OCIAD1: variants seen among roughly 807,000 people sequenced by gnomAD.
OCIAD1 encodes the protein OCIA domain-containing protein 1.
OCIAD1 carries 29 observed loss-of-function variants against 38.9 expected under a neutral mutation model. The ratio of observed to expected loss-of-function variants is 0.74; its 90% CI spans 0.55 to 1.02. The LOEUF (loss-of-function observed/expected upper bound fraction) is 1.02, where lower values mean the gene tolerates loss of function less well. Ranked by LOEUF, OCIAD1 falls within the 50% of genes least tolerant of loss-of-function variation. The probability of loss-of-function intolerance (pLI) is 0.00; values close to 1 mark genes in which losing one functional copy is unlikely to be tolerated. For synonymous variants in OCIAD1, 110 were observed against 92.0 expected (o/e 1.20, Z -1.12); for missense variants, 288 against 289.6 (o/e 0.99, Z 0.04).
At chr4:48,837,438 G>A (rs540807271) in intron 3 of OCIAD1, among the ~76,000 whole-genome samples, 6 of 151,618 alleles carry the variant, frequency 4.0e-5, no homozygotes, top group African/African-American at 1.2e-4. Flanking sequence ...GCTTATAGGC[G>A]CCTGCCACCA....
chr4:48,837,927 C>T lies in OCIAD1; in HGVS notation c.139+4446C>T, dbSNP rs1432948998. 3.9e-5 allele frequency among the ~76,000 whole-genome samples: 6 copies of T among 152,178 alleles called. No homozygotes were observed. The East Asian group carries it at 1.2e-3, about 29-fold the overall frequency. ...GGGTAGTGAACAATGTCAGGATGCCCGTGTATACCAGACTCTTAATAGTGG... is the reference window on the plus strand; with the variant it reads ...GGGTAGTGAACAATGTCAGGATGCCTGTGTATACCAGACTCTTAATAGTGG... On this transcript the variant is annotated intron_variant, in intron 3 of 8. Coordinates refer to ENST00000264312, the MANE Select transcript of OCIAD1 (RefSeq NM_017830.4).
intron 8 of OCIAD1, among the ~76,000 whole-genome samples, chr4:48,859,631 T>C (rs1396625846): frequency 6.6e-6 from 1 of 152,224 alleles, no homozygotes; most frequent in African/African-American, 2.4e-5. Context: ...ATTTTTTCTT[T>C]TTTTGGGAAA....
intron 7 of OCIAD1, 115 bp downstream of exon 7, chr4:48,852,090 AC>A: frequency 1.4e-6 from 1 of 735,212 alleles, no homozygotes; most frequent in South Asian, 2.1e-5. Flanking sequence ...TCAATCATCA[AC>A]CTAAACTCAG....
intron 3 of OCIAD1, among the ~76,000 whole-genome samples, chr4:48,841,897 C>T (rs1430296947): frequency 6.6e-6 from 1 of 152,078 alleles, no homozygotes; most frequent in East Asian, 1.9e-4. Context: ...TTAAGGAGTT[C>T]ACTAGTTTAG....
intron 3 of OCIAD1, among the ~76,000 whole-genome samples, chr4:48,834,577 G>A (rs1218703817): frequency 3.3e-5 from 5 of 152,286 alleles, no homozygotes; most frequent in East Asian, 3.9e-4. Flanking sequence ...CAAGACCAGC[G>A]TGGGCAACAT....
chr4:48,824,750 G>A (rs537637587), intron 1 of OCIAD1, among the ~76,000 whole-genome samples: 2 of 151,816 alleles, frequency 1.3e-5, no homozygotes, highest in South Asian at 2.1e-4. Context: ...GAACTTTTTT[G>A]TTTTAGACAG....
At chr4:48,852,882 G>GTTTTTTGTTTTTGTTTTTTTTT (rs1553901200) in intron 7 of OCIAD1, among the ~76,000 whole-genome samples, 1 of 126,338 alleles carries the variant, frequency 7.9e-6, no homozygotes, top group African/African-American at 3.2e-5. Flanking sequence ...TTTGTTTTTT[G>GTTTTTTGTTTTTGTTTTTTTTT]TTTTTTTTTT....
At chr4:48,805,933 G>A (rs894543250) in intron 1 of OCIAD1, among the ~76,000 whole-genome samples, 1 of 152,100 alleles carries the variant, frequency 6.6e-6, no homozygotes, top group East Asian at 1.9e-4. Flanking sequence ...TCTTCATTCA[G>A]TTTCATGTCC....
chr4:48,836,427 G>A (rs1777993846), intron 3 of OCIAD1, among the ~76,000 whole-genome samples: 1 of 152,210 alleles, frequency 6.6e-6, no homozygotes, highest in Non-Finnish European at 1.5e-5. Flanking sequence ...GATGAGTTTA[G>A]TTCAGACGTT....
Position 48,860,991 on chromosome 4 carries a change from C to A in OCIAD1, c.*229C>A. 2.0e-6 allele frequency: 1 copy of A among 503,468 alleles called. No individual in the cohort carries two copies. Among genetic ancestry groups the A allele is most frequent in the Non-Finnish European group, 3.5e-6 (1 of 284,904 alleles). 31.2% of individuals were successfully genotyped at this position (503,468 alleles called of 1,614,324 possible). A position where few individuals can be genotyped will look rare whatever the true frequency, so the allele number is the denominator to read the frequency against. ...GATTCATTTGAATGATGGTATTATA[C>A]CATGATTGTATACAGTTTGTGAAAT... On this transcript the variant is annotated 3_prime_UTR_variant, in exon 9 of 9. Transcript: ENST00000264312.
intron 1 of OCIAD1, among the ~76,000 whole-genome samples, chr4:48,825,040 GT>G (rs1357087959): frequency 6.6e-6 from 1 of 152,156 alleles, no homozygotes; most frequent in Non-Finnish European, 1.5e-5. Flanking sequence ...CCTGGCTGGA[GT>G]TTTTAATTTC....
intron 5 of OCIAD1, 45 bp from the exon 6 acceptor site, chr4:48,849,902 G>A: frequency 1.3e-6 from 2 of 1,535,750 alleles, no homozygotes; most frequent in Non-Finnish European, 1.8e-6. Context: ...ACTTTTGTCT[G>A]AAAGGCACAT....
chr4:48,834,802 CTT>C (rs1413685986), intron 3 of OCIAD1, among the ~76,000 whole-genome samples: 3 of 152,076 alleles, frequency 2.0e-5, no homozygotes, highest in Admixed American at 2.0e-4. Flanking sequence ...AAAAGGGCAA[CTT>C]AAGCCATTAA....
intron 1 of OCIAD1, among the ~76,000 whole-genome samples, chr4:48,822,569 C>T (rs891174053): frequency 1.3e-5 from 2 of 152,188 alleles, no homozygotes; most frequent in Admixed American, 6.5e-5. Context: ...TGAAGAGCTT[C>T]TGCACAGCAA....
At chr4:48,827,712 G>A (rs1039120522), upstream of OCIAD1, among the ~76,000 whole-genome samples, 1 of 152,208 alleles carries the variant, frequency 6.6e-6, no homozygotes, top group African/African-American at 2.4e-5. Flanking sequence ...ATTAATTGCT[G>A]AGAAATTAGG....
At chr4:48,824,625 G>A (rs989601337) in intron 1 of OCIAD1, among the ~76,000 whole-genome samples, 10 of 151,620 alleles carry the variant, frequency 6.6e-5, no homozygotes, top group East Asian at 3.9e-4. Context: ...GGCCTCAAGC[G>A]ATCCTCCTGC....
upstream of OCIAD1, chr4:48,830,608 G>A (rs1306589198): frequency 2.6e-5 from 4 of 152,146 alleles, no homozygotes; most frequent in East Asian, 1.9e-4. Flanking sequence ...GAGAGATCAC[G>A]GTACCCTGCC....
chr4:48,816,513 C>A (rs1472627658), intron 1 of OCIAD1, among the ~76,000 whole-genome samples: 3 of 135,700 alleles, frequency 2.2e-5, no homozygotes, highest in Admixed American at 1.5e-4. Flanking sequence ...AGCCTGGCAA[C>A]AGAGCAAGAG....
At chr4:48,810,364 G>C (rs895039084) in intron 1 of OCIAD1, among the ~76,000 whole-genome samples, 6 of 151,336 alleles carry the variant, frequency 4.0e-5, no homozygotes, top group African/African-American at 1.2e-4. Context: ...AGCTACTCGG[G>C]AGGCCGAGGC....
Sources: allele counts gnomAD v4.1 joint callset (sites outside exome capture counted in the v4.1 genomes callset), GRCh38; gene constraint gnomAD v4.1.1; transcripts MANE v1.5; gene names NCBI Gene and HGNC (gene_info 2026-07-23, HGNC 2026-07-21).